Variants in MTHFD1L observed in about 807,000 individuals in gnomAD.
MTHFD1L encodes the protein methylenetetrahydrofolate dehydrogenase (NADP+ dependent) 1 like, also known as monofunctional C1-tetrahydrofolate synthase, mitochondrial.
A neutral mutation model predicts 119.5 loss-of-function variants in MTHFD1L; 81 were observed. The observed-to-expected ratio is 0.68, with a 90% confidence interval of 0.57 to 0.82. MTHFD1L has a LOEUF of 0.82. Among genes scored for constraint, MTHFD1L ranks in the 40% least tolerant of loss-of-function variants. MTHFD1L has a pLI of 0.00. For synonymous variants in MTHFD1L, 430 were observed against 475.2 expected (o/e 0.90, Z 1.24); for missense variants, 1,125 against 1,253.4 (o/e 0.90, Z 1.55).
chr6:151,072,125 G>A (rs77717542), intron 26 of MTHFD1L, among the ~76,000 whole-genome samples: 2,689 of 151,948 alleles, frequency 0.018, 76 homozygotes, highest in African/African-American at 0.06. Flanking sequence ...CACCACGCCC[G>A]GCTAGTACAG....
intron 26 of MTHFD1L, among the ~76,000 whole-genome samples, chr6:151,071,006 A>G (rs1410555051): frequency 1.3e-5 from 2 of 152,202 alleles, no homozygotes; most frequent in Non-Finnish European, 2.9e-5. Flanking sequence ...GCTGCCAGCC[A>G]GTCCGTTTAT....
rs151025384 is a variant in MTHFD1L, at chr6:151,034,698, C to T, written c.2694+98C>T. The T allele has an allele frequency of 5.1e-3, 3,944 of 771,686 alleles. 20 individuals are homozygous for T. The highest frequency in any genetic ancestry group is 6.3e-3 in the Non-Finnish European group (2,793 of 441,292). The allele number at this position is 771,686 out of a possible 1,614,324, so 47.8% of individuals were successfully genotyped here. On this transcript the variant is annotated intron_variant, in intron 25 of 27. Transcript: ENST00000367321. ...ATTTGTACATATCGCACCAGCTAAC[C>T]TTTGCTTAATCTATTGTATGGTTAA...
At chr6:151,056,814 A>G (rs1442168751) in intron 26 of MTHFD1L, among the ~76,000 whole-genome samples, 1 of 152,148 alleles carries the variant, frequency 6.6e-6, no homozygotes, top group East Asian at 1.9e-4. Context: ...TTTCCCCACA[A>G]GGTGTTCTGA....
intron 21 of MTHFD1L, 123 bp downstream of exon 21, chr6:151,010,081 T>C: frequency 8.6e-7 from 1 of 1,163,032 alleles, no homozygotes; most frequent in South Asian, 2.1e-5. Flanking sequence ...TTCTTAAAAC[T>C]TTTTTTTTCC....
chr6:150,970,921 G>A (rs9478875), intron 19 of MTHFD1L, among the ~76,000 whole-genome samples: 29,106 of 152,076 alleles, frequency 0.19, 2,903 homozygotes, highest in Middle Eastern at 0.3. Flanking sequence ...AATTTCCTCC[G>A]TGGCCCTGAA....
chr6:151,099,520 G>A (rs1346305861), intron 27 of MTHFD1L: 8 of 1,589,306 alleles, frequency 5.0e-6, no homozygotes, highest in South Asian at 3.3e-5. Context: ...TCTCCTCCTC[G>A]GCATCTTGGC....
At chr6:150,920,935 G>C (rs1217185317) in intron 9 of MTHFD1L, among the ~76,000 whole-genome samples, 1 of 105,254 alleles carries the variant, frequency 9.5e-6, no homozygotes, top group Non-Finnish European at 1.8e-5. Context: ...ACCACACCCA[G>C]ATAATTTTTT....
chr6:150,928,870 G>GAAA (rs1790511848), intron 11 of MTHFD1L, among the ~76,000 whole-genome samples: 1 of 152,130 alleles, frequency 6.6e-6, no homozygotes, highest in Non-Finnish European at 1.5e-5. Context: ...AAGAGGGACA[G>GAAA]ACAGCCAGGG....
intron 20 of MTHFD1L, among the ~76,000 whole-genome samples, chr6:150,984,354 T>A (rs907983363): frequency 2.6e-5 from 4 of 152,110 alleles, no homozygotes; most frequent in African/African-American, 9.7e-5. Flanking sequence ...ATGTTAGCAA[T>A]TTTTTAGAAT....
At chr6:151,051,424 A>T (rs1789013834) in intron 26 of MTHFD1L, among the ~76,000 whole-genome samples, 1 of 152,174 alleles carries the variant, frequency 6.6e-6, no homozygotes, top group Non-Finnish European at 1.5e-5. Context: ...CTTTGTATAG[A>T]TTAGCTCATC....
At chr6:150,959,187 TG>T (rs2128994803) in intron 17 of MTHFD1L, 1 of 984,816 alleles carries the variant, frequency 1.0e-6, no homozygotes, top group East Asian at 1.1e-4. Flanking sequence ...CAGTGACTAA[TG>T]CAATCTCAAC....
At chr6:151,088,744 A>G (rs549082129) in intron 26 of MTHFD1L, among the ~76,000 whole-genome samples, 1 of 151,180 alleles carries the variant, frequency 6.6e-6, no homozygotes, top group Non-Finnish European at 1.5e-5. Context: ...GGCATGAGCC[A>G]CTGCGCCCGG....
At chr6:151,064,423 C>T (rs1481269037) in intron 26 of MTHFD1L, among the ~76,000 whole-genome samples, 1 of 152,010 alleles carries the variant, frequency 6.6e-6, no homozygotes, top group Non-Finnish European at 1.5e-5. Flanking sequence ...GAGTGATTCT[C>T]CTGCCTCAGC....
intron 11 of MTHFD1L, chr6:150,935,131 C>A: frequency 6.2e-7 from 1 of 1,613,694 alleles, no homozygotes; most frequent in Non-Finnish European, 8.5e-7. Flanking sequence ...AAGGATTTAA[C>A]ACTGAGAAAA....
At chr6:150,955,883 G>T in intron 16 of MTHFD1L, 112 bp from the exon 17 acceptor site, 1 of 859,886 alleles carries the variant, frequency 1.2e-6, no homozygotes, top group Non-Finnish European at 1.9e-6. Flanking sequence ...GGGGGAGCCT[G>T]ACCTTTTCTC....
chr6:150,937,828 C>T (rs919009559), intron 12 of MTHFD1L, among the ~76,000 whole-genome samples: 6 of 152,138 alleles, frequency 3.9e-5, no homozygotes, highest in Admixed American at 1.3e-4. Context: ...ACGTAAAGAA[C>T]GAGGGCTACT....
chr6:150,977,683 T>A lies in MTHFD1L; in HGVS notation c.2125+5625T>A, dbSNP rs147641841. 1.2e-4 allele frequency among the ~76,000 whole-genome samples: 18 copies of A among 152,352 alleles called. No homozygotes were observed. The East Asian group carries it at 3.1e-3, about 26-fold the overall frequency. On this transcript the variant is annotated intron_variant, in intron 20 of 27. Coordinates refer to ENST00000367321, the MANE Select transcript of MTHFD1L (RefSeq NM_015440.5). ...ACTTACCCATTAACTTAGGATTTTT[T>A]AATTTGTTTTCTGCTCTCTCAGTTG...
At chr6:150,960,663 A>C (rs1261625804) in intron 18 of MTHFD1L, among the ~76,000 whole-genome samples, 2 of 152,056 alleles carry the variant, frequency 1.3e-5, no homozygotes, top group Admixed American at 6.6e-5. Context: ...GCTTTCCACC[A>C]TCCTTGCCAA....
At chr6:150,979,615 C>G (rs1777138510) in intron 20 of MTHFD1L, among the ~76,000 whole-genome samples, 1 of 152,144 alleles carries the variant, frequency 6.6e-6, no homozygotes, top group Non-Finnish European at 1.5e-5. Context: ...ATTCTACTGC[C>G]TTAGCCTCCC....
Sources: allele counts gnomAD v4.1 joint callset (sites outside exome capture counted in the v4.1 genomes callset), GRCh38; gene constraint gnomAD v4.1.1; transcripts MANE v1.5; gene names NCBI Gene and HGNC (gene_info 2026-07-23, HGNC 2026-07-21).